The following SRRM4 variants were observed in gnomAD, a reference collection of about 807,000 sequenced individuals.
The protein encoded by SRRM4 is serine/arginine repetitive matrix protein 4.
SRRM4 carries 33 observed loss-of-function variants against 68.9 expected under a neutral mutation model. That is an observed-to-expected ratio of 0.48 (90% confidence interval 0.36 to 0.64). SRRM4 has a LOEUF of 0.64. SRRM4 is among the 30% of genes least tolerant of loss of function. The pLI is 0.00. For synonymous variants in SRRM4, 318 were observed against 318.8 expected, an observed-to-expected ratio of 1.00 and a Z score of 0.03; for missense variants, 817 against 827.1, an observed-to-expected ratio of 0.99 and a Z score of 0.15.
intron 2 of SRRM4, among the ~76,000 whole-genome samples, chr12:119,107,038 A>C (rs142092583): frequency 0.077 from 11,740 of 152,210 alleles, 506 homozygotes; most frequent in Admixed American, 0.1. Context: ...GAATTTTGTC[A>C]AAGGCCTTTT....
chr12:119,129,111 G>C (rs567705483), intron 7 of SRRM4, among the ~76,000 whole-genome samples: 1 of 152,238 alleles, frequency 6.6e-6, no homozygotes, highest in Admixed American at 6.5e-5. Flanking sequence ...CTTTCAGGCT[G>C]TTTGACCTCA....
At chr12:119,107,335 A>T (rs1364431972) in intron 2 of SRRM4, among the ~76,000 whole-genome samples, 3 of 152,214 alleles carry the variant, frequency 2.0e-5, no homozygotes, top group African/African-American at 7.2e-5. Context: ...TGGCTTCATA[A>T]AATGAGTTAG....
chr12:119,140,559 T>C (rs141838692), intron 8 of SRRM4, among the ~76,000 whole-genome samples: 16 of 152,352 alleles, frequency 1.1e-4, no homozygotes, highest in African/African-American at 3.6e-4. Flanking sequence ...GGAGTACCTT[T>C]TCCTAATAGG....
At chr12:119,088,363 G>A (rs1181939774) in intron 1 of SRRM4, among the ~76,000 whole-genome samples, 2 of 152,110 alleles carry the variant, frequency 1.3e-5, no homozygotes, top group Non-Finnish European at 2.9e-5. Context: ...CCCCCTCAAC[G>A]GTGATTGGGA....
intron 1 of SRRM4, among the ~76,000 whole-genome samples, chr12:119,085,528 C>T (rs879363777): frequency 2.7e-4 from 41 of 152,188 alleles, no homozygotes; most frequent in Admixed American, 1.0e-3. Context: ...ATGGTTTGAG[C>T]ATGGTGAGTG....
chr12:119,032,885 G>T (rs537282283), intron 1 of SRRM4, among the ~76,000 whole-genome samples: 30 of 152,122 alleles, frequency 2.0e-4, no homozygotes, highest in Non-Finnish European at 3.5e-4. Flanking sequence ...GCAAATTGTC[G>T]ATTTTGTTGA....
At chr12:118,988,091 C>A (rs987098170) in intron 1 of SRRM4, among the ~76,000 whole-genome samples, 1 of 151,536 alleles carries the variant, frequency 6.6e-6, no homozygotes, top group Admixed American at 6.6e-5. Flanking sequence ...TTGTCTTAAG[C>A]ATGATAATGT....
At chr12:119,034,342 T>C (rs1953612510) in intron 1 of SRRM4, among the ~76,000 whole-genome samples, 1 of 152,210 alleles carries the variant, frequency 6.6e-6, no homozygotes, top group African/African-American at 2.4e-5. Flanking sequence ...AGCTGAGTGC[T>C]GTCTGCTGGA....
At chr12:119,135,847 A>G (rs935552993) in intron 8 of SRRM4, among the ~76,000 whole-genome samples, 5 of 152,052 alleles carry the variant, frequency 3.3e-5, no homozygotes, top group Non-Finnish European at 7.4e-5. Context: ...TAATTACATG[A>G]CCTCCTCTGT....
At chr12:119,118,677 C>T (rs1006784400) in intron 4 of SRRM4, among the ~76,000 whole-genome samples, 1 of 152,366 alleles carries the variant, frequency 6.6e-6, no homozygotes. Context: ...GCCACCTTAT[C>T]ACCTCCCTTT....
In SRRM4 at chr12:119,158,361, C is replaced by A. The variant is rs1247792867; in HGVS notation, c.*1563C>A. 1 of 152,698 alleles carries A rather than the reference C, an allele frequency of 6.5e-6. No individual in the cohort carries two copies. The highest frequency in any genetic ancestry group is 1.5e-5 in the Non-Finnish European group (1 of 68,098). 9.5% of individuals were successfully genotyped at this position (152,698 alleles called of 1,614,324 possible). Reference sequence around the variant, plus strand: ...GCCAAACATTCTTTATCCCTCCCACCCCAGGGAAAACATTTGGAAAATAGT... The same window carrying A: ...GCCAAACATTCTTTATCCCTCCCACACCAGGGAAAACATTTGGAAAATAGT... On this transcript the variant is annotated 3_prime_UTR_variant, in exon 13 of 13. Coordinates refer to ENST00000267260, the MANE Select transcript of SRRM4 (RefSeq NM_194286.4).
chr12:119,027,707 T>C (rs1217590620), intron 1 of SRRM4, among the ~76,000 whole-genome samples: 2 of 152,206 alleles, frequency 1.3e-5, no homozygotes, highest in Non-Finnish European at 2.9e-5. Context: ...ACATGTCTTA[T>C]TAGGCTTTAC....
intron 1 of SRRM4, among the ~76,000 whole-genome samples, chr12:119,027,978 A>T (rs1016182876): frequency 3.3e-5 from 5 of 152,230 alleles, no homozygotes; most frequent in Admixed American, 6.5e-5. Flanking sequence ...AGATTCTTAA[A>T]CATATGCATG....
chr12:119,035,513 T>C (rs1953621063), intron 1 of SRRM4, among the ~76,000 whole-genome samples: 1 of 152,268 alleles, frequency 6.6e-6, no homozygotes, highest in Admixed American at 6.5e-5. Context: ...TTTTGGGTGT[T>C]GTGAATCCAT....
chr12:119,071,172 C>T lies in SRRM4; in HGVS notation c.132-31064C>T, dbSNP rs148032958. 3.2e-3 allele frequency among the ~76,000 whole-genome samples: 480 copies of T among 152,250 alleles called. 1 individual carries two copies. The highest frequency in any genetic ancestry group is 0.011 in the African/African-American group (455 of 41,550). ...TATGTTTCAATCATATGATTCCAAACGTAGCCCTAGTGCCCATCACAACCA... is the reference window on the plus strand; with the variant it reads ...TATGTTTCAATCATATGATTCCAAATGTAGCCCTAGTGCCCATCACAACCA... On this transcript the variant is annotated intron_variant, in intron 1 of 12. Coordinates refer to ENST00000267260, the MANE Select transcript of SRRM4 (RefSeq NM_194286.4).
intron 1 of SRRM4, among the ~76,000 whole-genome samples, chr12:119,018,798 T>C (rs1336577012): frequency 6.6e-6 from 1 of 152,152 alleles, no homozygotes; most frequent in Non-Finnish European, 1.5e-5. Flanking sequence ...TGTTGTAAGT[T>C]AGAAATTTTG....
rs1223747644 is a variant in SRRM4 at position 119,153,732 on chromosome 12, T to C, written c.1391+83T>C. On this transcript the variant is annotated intron_variant, in intron 11 of 12. Coordinates refer to ENST00000267260, the MANE Select transcript of SRRM4 (RefSeq NM_194286.4). ...CCTCCTCTCTGGCCCCGCCTCCCCG[T>C]TCTCGGGCCTTCTTCCTCTTAGGTC... is the stretch of plus-strand genomic sequence containing the variant. 3.1e-6 allele frequency: 3 copies of C among 976,142 alleles called. No homozygotes were observed. The East Asian group carries it at 7.9e-5, about 26-fold the overall frequency. 60.5% of individuals were successfully genotyped at this position (976,142 alleles called of 1,614,324 possible).
intron 1 of SRRM4, among the ~76,000 whole-genome samples, chr12:119,022,701 G>C (rs1373213749): frequency 2.6e-5 from 4 of 152,152 alleles, no homozygotes; most frequent in African/African-American, 9.7e-5. Context: ...CTCAAACTGA[G>C]CATGGTCACA....
intron 1 of SRRM4, among the ~76,000 whole-genome samples, chr12:119,012,113 T>C (rs1953453171): frequency 6.6e-6 from 1 of 152,242 alleles, no homozygotes; most frequent in Admixed American, 6.5e-5. Context: ...AGTTTTTACA[T>C]GGAAAAAGAG....
Sources: gnomAD v4.1 joint callset for allele counts (sites outside exome capture counted in the v4.1 genomes callset) on GRCh38, gnomAD v4.1.1 for gene constraint, MANE v1.5 for transcripts, NCBI Gene and HGNC (gene_info 2026-07-23, HGNC 2026-07-21) for gene names.